DMD: variants seen among roughly 807,000 people sequenced by gnomAD.
DMD encodes the protein mutant dystrophin.
Under a neutral mutation model 330.1 loss-of-function variants are expected in DMD, and 63 were observed. The observed-to-expected ratio is 0.19, with a 90% CI of 0.16 to 0.24. The LOEUF (loss-of-function observed/expected upper bound fraction) is 0.24. Among genes scored for constraint, DMD ranks in the 10% least tolerant of loss-of-function variants. DMD has a pLI of 1.00. For synonymous variants in DMD, 1,223 were observed against 959.8 expected (o/e 1.27, Z -5.07); for missense variants, 3,344 against 2,684.1 (o/e 1.25, Z -5.43).
chrX:32,509,170 A>G (rs955914244), intron 18 of DMD, among the ~76,000 whole-genome samples: 7 of 93,189 alleles, frequency 7.5e-5, no homozygotes, highest in Non-Finnish European at 1.5e-4. Context: ...ATGTCCAAAT[A>G]ACCACATATA....
intron 1 of DMD, among the ~76,000 whole-genome samples, chrX:33,326,100 C>T (rs1390469840): frequency 7.2e-5 from 8 of 111,007 alleles, no homozygotes; most frequent in Non-Finnish European, 1.9e-5. Flanking sequence ...AATAGTACTG[C>T]TCGTGTACTA....
intron 7 of DMD, among the ~76,000 whole-genome samples, chrX:32,705,600 G>C (rs1315894478): frequency 1.8e-5 from 2 of 111,386 alleles, no homozygotes; most frequent in Non-Finnish European, 3.8e-5. Flanking sequence ...CATCGCCTGA[G>C]GTTAGGAATT....
chrX:32,031,960 A>G (rs2095887855), intron 44 of DMD, among the ~76,000 whole-genome samples: 1 of 112,070 alleles, frequency 8.9e-6, no homozygotes, highest in African/African-American at 3.2e-5. Flanking sequence ...ATTTTCTAGT[A>G]GGAAGAACAG....
At chrX:33,136,641 G>T (rs945139950) in intron 1 of DMD, among the ~76,000 whole-genome samples, 3 of 110,326 alleles carry the variant, frequency 2.7e-5, no homozygotes, top group African/African-American at 9.9e-5. Context: ...AGAGGCCAAG[G>T]GAACTTGTTT....
intron 50 of DMD, among the ~76,000 whole-genome samples, chrX:31,815,865 C>G (rs893477948): frequency 9.0e-6 from 1 of 111,727 alleles, no homozygotes; most frequent in Admixed American, 9.5e-5. Flanking sequence ...CACCCGCCCT[C>G]TCTTGGAAAA....
Position 32,820,539 on chromosome X carries a change from T to C in DMD, c.357+2756A>G, listed in dbSNP as rs1412989138. Among the ~76,000 whole-genome samples the C allele has an allele frequency of 3.4e-4, 38 of 112,201 alleles. No individual in the cohort carries two copies. The Admixed American group carries it at 3.5e-3, about 10-fold the overall frequency. On this transcript the variant is annotated intron_variant, in intron 5 of 78. Transcript: ENST00000357033. ...GTCTTGAAAGCTTATCTTGGACTAG[T>C]TCAGATGGAGTTGGAAAGGGCTTCA... is the stretch of plus-strand genomic sequence containing the variant.
At chrX:32,602,702 G>C (rs1038234035) in intron 12 of DMD, among the ~76,000 whole-genome samples, 1 of 111,256 alleles carries the variant, frequency 9.0e-6, no homozygotes, top group Admixed American at 9.6e-5. Flanking sequence ...TACCACTACT[G>C]CTTACTCTAT....
intron 13 of DMD, among the ~76,000 whole-genome samples, chrX:32,584,763 T>C (rs189389673): frequency 8.9e-6 from 1 of 111,879 alleles, no homozygotes. Flanking sequence ...TTTGAGGAGA[T>C]GGGAAGAGTT....
rs1386020911 is a variant in DMD, at chrX:33,082,573, G to A, written c.32-62373C>T. On this transcript the variant is annotated intron_variant, in intron 1 of 78. Transcript: ENST00000357033. Reference sequence around the variant, plus strand: ...CCTTAGCTACTGAGCTATATACAGCGTTGAGAAATTTCTACTGCTTTTCCC... The same window carrying A: ...CCTTAGCTACTGAGCTATATACAGCATTGAGAAATTTCTACTGCTTTTCCC... Among the ~76,000 whole-genome samples the A allele has an allele frequency of 5.3e-5, 6 of 112,496 alleles. No individual in the cohort carries two copies. In the South Asian group the frequency reaches 1.1e-3, roughly 21 times the overall value.
chrX:32,988,440 T>C (rs894995518), intron 2 of DMD, among the ~76,000 whole-genome samples: 1 of 111,918 alleles, frequency 8.9e-6, no homozygotes, highest in Non-Finnish European at 1.9e-5. Flanking sequence ...AAAACGACCG[T>C]GTATGACAAA....
chrX:32,297,136 C>T (rs1025820785), intron 42 of DMD, among the ~76,000 whole-genome samples: 14 of 111,398 alleles, frequency 1.3e-4, no homozygotes, highest in African/African-American at 4.6e-4. Flanking sequence ...GTAATACTAT[C>T]TTCTAGGTTT....
chrX:31,690,993 A>G (rs1447123129), intron 52 of DMD, among the ~76,000 whole-genome samples: 2 of 110,642 alleles, frequency 1.8e-5, no homozygotes, highest in South Asian at 7.8e-4. Flanking sequence ...GGGGAGGGAT[A>G]GCATTGGGAG....
chrX:33,263,108 C>T lies in DMD; in HGVS notation c.7+76151G>A, dbSNP rs527913050. ...GGTACCACCATTCTAAAATCAAGTA[C>T]GGCAAAATGTTATATTAATATTATT... On this transcript the variant is annotated intron_variant, in intron 1 of 17. Coordinates refer to the DMD transcript ENST00000288447. 6.6e-4 allele frequency among the ~76,000 whole-genome samples: 72 copies of T among 109,814 alleles called. 1 individual carries two copies. In the South Asian group the frequency reaches 0.023, roughly 35 times the overall value.
intron 44 of DMD, among the ~76,000 whole-genome samples, chrX:32,163,204 A>G (rs1035693653): frequency 9.0e-6 from 1 of 111,596 alleles, no homozygotes; most frequent in Admixed American, 9.5e-5. Flanking sequence ...CCCATTCATC[A>G]GCAAACCTGG....
chrX:31,337,804 T>C (rs1433689680), intron 61 of DMD, among the ~76,000 whole-genome samples: 1 of 111,992 alleles, frequency 8.9e-6, no homozygotes, highest in Non-Finnish European at 1.9e-5. Context: ...ATGAGGAAGA[T>C]GAAATAAGAA....
chrX:33,303,442 T>C (rs1375365262), intron 1 of DMD, among the ~76,000 whole-genome samples: 1 of 111,342 alleles, frequency 9.0e-6, no homozygotes. Flanking sequence ...AAGTTTTATG[T>C]CTCCTAGATT....
intron 62 of DMD, among the ~76,000 whole-genome samples, chrX:31,309,762 T>C (rs1003268208): frequency 8.9e-6 from 1 of 112,265 alleles, no homozygotes; most frequent in Non-Finnish European, 1.9e-5. Flanking sequence ...TGGTTTCATA[T>C]TAACAGATAC....
intron 2 of DMD, among the ~76,000 whole-genome samples, chrX:32,975,256 C>T (rs888483168): frequency 1.8e-5 from 2 of 109,410 alleles, no homozygotes; most frequent in African/African-American, 3.3e-5. Context: ...TAACAGCCAA[C>T]CCACAGTAAA....
chrX:32,608,831 A>G (rs1483953504), intron 12 of DMD, among the ~76,000 whole-genome samples: 1 of 110,527 alleles, frequency 9.0e-6, no homozygotes, highest in African/African-American at 3.3e-5. Context: ...CATCATAACC[A>G]TTAAACTTTC....
Sources: gnomAD v4.1 joint callset for allele counts (sites outside exome capture counted in the v4.1 genomes callset) on GRCh38, gnomAD v4.1.1 for gene constraint, MANE v1.5 for transcripts, NCBI Gene and HGNC (gene_info 2026-07-23, HGNC 2026-07-21) for gene names.